NKPD1: variants seen among roughly 807,000 people sequenced by gnomAD.
NKPD1 encodes the protein NTPase KAP family P-loop domain-containing protein 1.
A neutral mutation model predicts 42.2 loss-of-function variants in NKPD1; 37 were observed. The observed-to-expected ratio is 0.88, with a 90% CI of 0.67 to 1.15. The LOEUF (loss-of-function observed/expected upper bound fraction) is 1.15. Among genes scored for constraint, NKPD1 ranks in the 50% most tolerant of loss-of-function variants. The pLI is 0.00. For synonymous variants in NKPD1, 552 were observed against 536.5 expected (o/e 1.03, Z -0.40); for missense variants, 1,113 against 1,174.6 (o/e 0.95, Z 0.77).
Position 45,152,148 on chromosome 19 carries a change from G to C in NKPD1, c.2289C>G (p.Leu763=), listed in dbSNP as rs1968792575. ...RMGLIRAVSA[L]KPPSPPKSPT... is the part of the protein sequence containing the mutation. ...GGGACTTGGGCGGGCTGGGCGGCTT[G>C]AGCGCGCTGACGGCTCGGATGAGAC... is the stretch of plus-strand genomic sequence containing the variant. Residue 763 remains leucine (L), a synonymous_variant, in exon 5 of 5, where the codon CTC becomes CTG. Coordinates refer to ENST00000686631, the MANE Select transcript of NKPD1 (RefSeq NM_198478.4). The C allele has an allele frequency of 6.3e-7, 1 of 1,599,504 alleles. No homozygotes were observed. The highest frequency in any genetic ancestry group is 8.5e-7 in the Non-Finnish European group (1 of 1,174,020).
At chr19:45,157,414 G>C (rs923063567) in intron 3 of NKPD1, among the ~76,000 whole-genome samples, 4 of 152,126 alleles carry the variant, frequency 2.6e-5, no homozygotes, top group Admixed American at 6.6e-5. Context: ...GGTTGTTACC[G>C]AGTGGCATAC....
chr19:45,155,185 G>A (rs1345633848), intron 4 of NKPD1, among the ~76,000 whole-genome samples: 1 of 151,964 alleles, frequency 6.6e-6, no homozygotes, highest in African/African-American at 2.4e-5. Flanking sequence ...GGGCGTGGTG[G>A]TGAGCGCCTG....
Position 45,153,234 on chromosome 19 carries a change from C to T in NKPD1, c.1203G>A (p.Lys401=), listed in dbSNP as rs1968830357. 1.2e-6 allele frequency: 2 copies of T among 1,601,060 alleles called. No individual in the cohort carries two copies. Among genetic ancestry groups the T allele is most frequent in the South Asian group, 1.1e-5 (1 of 89,162 alleles). The change falls in exon 5 of 5, where the codon AAG becomes AAA. Residue 401 remains lysine (K), a synonymous_variant. Coordinates refer to ENST00000686631, the MANE Select transcript of NKPD1 (RefSeq NM_198478.4). The part of the protein sequence containing the change: ...GLLMAVYSVG[K]HLFVSQRKKI... ...TCTTGCGCTGGCTTACGAACAGGTG[C>T]TTGCCCACCGAGTACACGGCCATGA... is the stretch of plus-strand genomic sequence containing the variant.
Position 45,152,547 on chromosome 19 carries a change from G to A in NKPD1, c.1890C>T (p.Pro630=). The A allele has an allele frequency of 1.9e-6, 3 of 1,584,380 alleles. No homozygotes were observed. Among genetic ancestry groups the A allele is most frequent in the South Asian group, 1.1e-5 (1 of 89,418 alleles). Residue 630 remains proline, a synonymous_variant, in exon 5 of 5, where the codon CCC becomes CCT. Coordinates refer to ENST00000686631, the MANE Select transcript of NKPD1 (RefSeq NM_198478.4). ...GCTGCTGCAGCAGGCGCACGGTGAT[G>A]GGCACGGTGTTGACGATGCGCCGCA... is the stretch of plus-strand genomic sequence containing the variant. ...VSMRRIVNTV[P]ITVRLLQQQQ...
chr19:45,153,129 C>T lies in NKPD1; in HGVS notation c.1308G>A (p.Leu436=). 3.2e-6 allele frequency: 5 copies of T among 1,576,246 alleles called. No homozygotes were observed. Among genetic ancestry groups the T allele is most frequent in the Non-Finnish European group, 4.3e-6 (5 of 1,161,758 alleles). Residue 436 remains leucine (L), a synonymous_variant, in exon 5 of 5, where the codon CTG becomes CTA. Coordinates refer to ENST00000686631, the MANE Select transcript of NKPD1 (RefSeq NM_198478.4). The part of the protein sequence containing the change: ...FMCEVKKEVE[L]LTDFLCFLEI... ...CCAGGAAGCACAGGAAGTCGGTGAG[C>T]AGCTCCACCTCCTTCTTCACCTCGC...
chr19:45,153,266 C>T lies in NKPD1; in HGVS notation c.1171G>A (p.Gly391Arg). ...GGAATTLSGS[G>R]LLMAVYSVGK... ...ACCGAGTACACGGCCATGAGCAGCC[C>T]CGAGCCCGACAGTGTGGTGGCCGCG... Residue 391 changes from glycine (G) to arginine (R), a missense_variant, in exon 5 of 5, where the codon GGG becomes AGG. Transcript: ENST00000686631. 1 of 1,601,860 alleles carries T rather than the reference C, an allele frequency of 6.2e-7. No individual in the cohort carries two copies. The highest frequency in any genetic ancestry group is 8.5e-7 in the Non-Finnish European group (1 of 1,175,186).
chr19:45,161,039 G>A (rs1218936714), upstream of NKPD1, among the ~76,000 whole-genome samples: 5 of 152,166 alleles, frequency 3.3e-5, no homozygotes, highest in African/African-American at 7.2e-5. Flanking sequence ...CCGCCTGACC[G>A]GTTTGCCTGC....
chr19:45,151,902 G>A lies in NKPD1; in HGVS notation c.*36C>T. On this transcript the variant is annotated 3_prime_UTR_variant, in exon 5 of 5. Transcript: ENST00000686631. Reference sequence around the variant, plus strand: ...TATTCTCCCATCTGGGCAGATGGAGGAACCCTTGCCTCCTGCTGCCCGCCA... The same window carrying A: ...TATTCTCCCATCTGGGCAGATGGAGAAACCCTTGCCTCCTGCTGCCCGCCA... The A allele has an allele frequency of 2.0e-6, 3 of 1,500,128 alleles. No homozygotes were observed. Among genetic ancestry groups the A allele is most frequent in the South Asian group, 1.3e-5 (1 of 74,098 alleles). The allele number at this position is 1,500,128 out of a possible 1,614,324, so 92.9% of individuals were successfully genotyped here. A position where few individuals can be genotyped will look rare whatever the true frequency, so the allele number is the denominator to read the frequency against.
Position 45,151,926 on chromosome 19 carries a change from C to G in NKPD1, c.*12G>C, listed in dbSNP as rs1968784388. On this transcript the variant is annotated 3_prime_UTR_variant, in exon 5 of 5. Transcript: ENST00000686631. ...GGAACCCTTGCCTCCTGCTGCCCGC[C>G]AAGTCCTCCATTTAAGGCCCACCTG... The G allele has an allele frequency of 1.3e-6, 2 of 1,534,980 alleles. No homozygotes were observed. Among genetic ancestry groups the G allele is most frequent in the Admixed American group, 2.0e-5 (1 of 49,638 alleles).
rs1017865447 is a variant in NKPD1 at position 45,151,278 on chromosome 19, G to A, written c.*660C>T. 3 of 152,332 alleles carry A rather than the reference G, an allele frequency of 2.0e-5. No homozygotes were observed. Among genetic ancestry groups the A allele is most frequent in the Admixed American group, 6.5e-5 (1 of 15,290 alleles). The allele number at this position is 152,332 out of a possible 1,614,324, so 9.4% of individuals were successfully genotyped here. A position where few individuals can be genotyped will look rare whatever the true frequency, so the allele number is the denominator to read the frequency against. On this transcript the variant is annotated 3_prime_UTR_variant, in exon 5 of 5. Coordinates refer to ENST00000686631, the MANE Select transcript of NKPD1 (RefSeq NM_198478.4). ...ACAGTTATTTGTCTGGGGGAGGTTA[G>A]TGCCACCCACTCCAGCTGGCTGAGG...
chr19:45,162,684 C>T (rs959175699), upstream of NKPD1, among the ~76,000 whole-genome samples: 11 of 152,278 alleles, frequency 7.2e-5, no homozygotes, highest in African/African-American at 1.7e-4. Flanking sequence ...CCCAGGAAGA[C>T]GCTCCGTTCT....
upstream of NKPD1, among the ~76,000 whole-genome samples, chr19:45,162,653 C>T (rs1969030965): frequency 2.0e-5 from 3 of 152,158 alleles, no homozygotes; most frequent in African/African-American, 4.8e-5. Context: ...GCCTACACTC[C>T]GGGCACTCCC....
Position 45,153,342 on chromosome 19 carries a change from G to A in NKPD1, c.1095C>T (p.His365=), listed in dbSNP as rs752372185. Reference sequence around the variant, plus strand: ...CGCTCGGGCTGCCGTGGCCCAGCGCGTGGCCGCCCAGTGACAAGTAGAGCA... The same window carrying A: ...CGCTCGGGCTGCCGTGGCCCAGCGCATGGCCGCCCAGTGACAAGTAGAGCA... ...VGLLYLSLGG[H]ALGHGSPSGS... is the part of the protein sequence containing the mutation. The change falls in exon 5 of 5, where the codon CAC becomes CAT. Residue 365 remains histidine, a synonymous_variant. Coordinates refer to ENST00000686631, the MANE Select transcript of NKPD1 (RefSeq NM_198478.4). 6.4e-7 allele frequency: 1 copy of A among 1,569,012 alleles called. No individual in the cohort carries two copies. The highest frequency in any genetic ancestry group is 8.6e-7 in the Non-Finnish European group (1 of 1,159,472).
rs770906579 is a variant in NKPD1 at position 45,158,560 on chromosome 19, G to A, written c.529+103C>T. 15 of 1,109,144 alleles carry A rather than the reference G, an allele frequency of 1.4e-5. No homozygotes were observed. The highest frequency in any genetic ancestry group is 2.0e-5 in the South Asian group (1 of 49,502). The allele number at this position is 1,109,144 out of a possible 1,614,324, so 68.7% of individuals were successfully genotyped here. A position where few individuals can be genotyped will look rare whatever the true frequency, so the allele number is the denominator to read the frequency against. ...CCTAGATAGGGAACAGGGTGTGGAT[G>A]AAGAGGGCAGGTGCAAGATGCTAGG... On this transcript the variant is annotated intron_variant, in intron 3 of 4. Transcript: ENST00000686631. This position sits in a 1 kb window ranked among gnomAD's most constrained non-coding sequence, Gnocchi z 4.6.
upstream of NKPD1, among the ~76,000 whole-genome samples, chr19:45,161,789 G>A (rs994786086): frequency 3.3e-5 from 5 of 152,216 alleles, no homozygotes; most frequent in Non-Finnish European, 2.9e-5. Context: ...CTGGGGCCCC[G>A]GCTCCCTGTG....
Position 45,158,689 on chromosome 19 carries a change from C to A in NKPD1, c.503G>T (p.Cys168Phe). Reference protein sequence around the residue: ...DARPLPAPAACGSFTAYSSDI... With the variant: ...DARPLPAPAAFGSFTAYSSDI... ...GGAGCTGTAGGCAGTGAAGGAGCCA[C>A]AGGCCGCTGGGGCGGGCAGGGGCCG... The change falls in exon 3 of 5, where the codon TGT becomes TTT. Residue 168 changes from cysteine to phenylalanine, a missense_variant. Around this residue, in one of 3 missense-constraint regions of NKPD1, gnomAD observed 204 missense variants for 227.8 expected, o/e 0.90. Coordinates refer to ENST00000686631, the MANE Select transcript of NKPD1 (RefSeq NM_198478.4). This position sits in a 1 kb window ranked among gnomAD's most constrained non-coding sequence, Gnocchi z 4.6. The A allele has an allele frequency of 1.7e-6, 2 of 1,182,552 alleles. No homozygotes were observed. The highest frequency in any genetic ancestry group is 2.1e-6 in the Non-Finnish European group (2 of 936,706). The allele number at this position is 1,182,552 out of a possible 1,614,324, so 73.3% of individuals were successfully genotyped here.
At chr19:45,162,072 C>A (rs575497519), upstream of NKPD1, among the ~76,000 whole-genome samples, 1 of 152,262 alleles carries the variant, frequency 6.6e-6, no homozygotes, top group Admixed American at 6.5e-5. Flanking sequence ...GGCATCTGAG[C>A]GTGGGCATCT....
chr19:45,153,843 G>A, intron 4 of NKPD1, 68 bp from the exon 5 acceptor site: 3 of 1,379,048 alleles, frequency 2.2e-6, no homozygotes, highest in Non-Finnish European at 2.8e-6. Flanking sequence ...CCTAGTACGG[G>A]CAGGGCGGAG....
At position 45,150,616 on chromosome 19, in the gene NKPD1, C is replaced by T. The variant is rs1968760598; in HGVS notation, c.*1322G>A. On this transcript the variant is annotated 3_prime_UTR_variant, in exon 5 of 5. Transcript: ENST00000686631. ...AGCTCCCAGGAGGTCCAGGCGTATC[C>T]TACCAGCTTAGTCAGTCCAGGAATG... 6.6e-6 allele frequency: 1 copy of T among 152,236 alleles called. No homozygotes were observed. Among genetic ancestry groups the T allele is most frequent in the Admixed American group, 6.5e-5 (1 of 15,288 alleles). The allele number at this position is 152,236 out of a possible 1,614,324, so 9.4% of individuals were successfully genotyped here.
Sources: gnomAD v4.1 joint callset for allele counts (sites outside exome capture counted in the v4.1 genomes callset) on GRCh38, gnomAD v4.1.1 for gene constraint, gnomAD v4.1.1 regional missense constraint, Gnocchi (gnomAD v3.1) non-coding constraint, MANE v1.5 for transcripts, NCBI Gene and HGNC (gene_info 2026-07-23, HGNC 2026-07-21) for gene names.